Variants in FHOD1 observed in about 807,000 individuals in gnomAD.
FHOD1 encodes formin homology 2 domain containing 1, also known as FH1/FH2 domain-containing protein 1.
A neutral mutation model predicts 111.6 loss-of-function variants in FHOD1; 89 were observed. That is an observed-to-expected ratio of 0.80 (90% CI 0.67 to 0.95). The LOEUF (loss-of-function observed/expected upper bound fraction) is 0.95, where lower values mean the gene tolerates loss of function less well. Ranked by LOEUF, FHOD1 falls within the 40% of genes least tolerant of loss-of-function variation. FHOD1 has a pLI of 0.00. For missense variants in FHOD1, 1,446 were observed against 1,554.2 expected, an observed-to-expected ratio of 0.93 and a Z score of 1.17; for synonymous variants, 618 against 639.0, an observed-to-expected ratio of 0.97 and a Z score of 0.50.
Position 67,237,773 on chromosome 16 carries a change from G to A in FHOD1, c.643-5C>T. 1 of 1,612,968 alleles carries A rather than the reference G, an allele frequency of 6.2e-7. No individual in the cohort carries two copies. The highest frequency in any genetic ancestry group is 8.5e-7 in the Non-Finnish European group (1 of 1,178,894). Reference sequence around the variant, plus strand: ...TGTCTTCACCACCAAGCGGGACTGAGGAGAGAGGTCAGTACATATGAGTGG... The same window carrying A: ...TGTCTTCACCACCAAGCGGGACTGAAGAGAGAGGTCAGTACATATGAGTGG... On this transcript the variant is annotated splice_region_variant and splice_polypyrimidine_tract_variant and intron_variant, in intron 6 of 21. Transcript: ENST00000258201. This position sits in a 1 kb window ranked among gnomAD's most constrained non-coding sequence, Gnocchi z 5.6.
At chr16:67,243,088 A>T (rs187559551) in intron 1 of FHOD1, among the ~76,000 whole-genome samples, 41 of 152,202 alleles carry the variant, frequency 2.7e-4, no homozygotes, top group African/African-American at 9.6e-4. Flanking sequence ...CAGTGTAATC[A>T]GGTAAGACTG....
intron 18 of FHOD1, 26 bp downstream of exon 18, chr16:67,230,567 GGCCGTCCT>G: frequency 6.2e-7 from 1 of 1,613,378 alleles, no homozygotes; most frequent in Non-Finnish European, 8.5e-7. Context: ...GGAGGGTGGT[GGCCGTCCT>G]GCCTCTCTTG....
In FHOD1 at chr16:67,233,837, A is replaced by G. The variant is rs1443662282; in HGVS notation, c.1866T>C (p.Thr622=). The stretch of plus-strand genomic sequence containing the variant: ...AGAAAAGTTTTACTGTCTTCCTCTT[A>G]GTGGGGAGGGCTGAGCTGTCAGGCA... ...HSVPDSSALP[T]KRKTVKLFWR... Residue 622 remains threonine, a synonymous_variant, in exon 13 of 22, where the codon ACT becomes ACC. Coordinates refer to ENST00000258201, the MANE Select transcript of FHOD1 (RefSeq NM_013241.3). The G allele has an allele frequency of 1.9e-6, 3 of 1,590,452 alleles. No homozygotes were observed. Among genetic ancestry groups the G allele is most frequent in the Non-Finnish European group, 2.6e-6 (3 of 1,166,336 alleles).
In FHOD1 at chr16:67,231,152, C is replaced by G; in HGVS notation, c.2667+36G>C. 6.2e-7 allele frequency: 1 copy of G among 1,610,374 alleles called. No homozygotes were observed. Among genetic ancestry groups the G allele is most frequent in the Non-Finnish European group, 8.5e-7 (1 of 1,177,658 alleles). ...GCCCAGGAAGCAGCGCTCCTCATGC[C>G]TTGTCCGGCCTTGGTTGATTCTGGC... On this transcript the variant is annotated intron_variant, in intron 17 of 21. Transcript: ENST00000258201. The surrounding 1 kb of genome is among the most constrained non-coding windows in gnomAD (Gnocchi z 4.3).
Position 67,236,563 on chromosome 16 carries a change from A to G in FHOD1, c.1313T>C (p.Ile438Thr), listed in dbSNP as rs1306153599. ...PSADTSSERS[I>T]YKARFLENVA... Reference sequence around the variant, plus strand: ...CCTCTGTCTCCCTACTTACTTGTAGATGCTCCTCTCGCTGGAGGTGTCAGC... The same window carrying G: ...CCTCTGTCTCCCTACTTACTTGTAGGTGCTCCTCTCGCTGGAGGTGTCAGC... Residue 438 changes from isoleucine (I) to threonine (T), a missense_variant, in exon 11 of 22, where the codon ATC (isoleucine) becomes ACC (threonine). By Grantham distance (89) the Ile-to-Thr change is moderately conservative. This residue lies in a region of FHOD1 where 1,085 missense variants were observed against 1,108.8 expected (regional missense o/e 0.98). Coordinates refer to ENST00000258201, the MANE Select transcript of FHOD1 (RefSeq NM_013241.3). The G allele has an allele frequency of 2.5e-6, 4 of 1,612,922 alleles. No homozygotes were observed. Among genetic ancestry groups the G allele is most frequent in the Non-Finnish European group, 3.4e-6 (4 of 1,179,638 alleles).
chr16:67,229,980 C>T lies in FHOD1; in HGVS notation c.3225G>A (p.Gln1075=), dbSNP rs1353097997. ...CTGTGGGCATGATTGGGGAGCTGCT[C>T]TGGACCATGCCTGAGGAAGGCCAGA... ...THNRRSRGMV[Q]SSSPIMPTVG... is the part of the protein sequence containing the mutation. Residue 1075 remains glutamine (Q), a synonymous_variant, in exon 21 of 22, where the codon CAG becomes CAA. Transcript: ENST00000258201. 8 of 1,614,080 alleles carry T rather than the reference C, an allele frequency of 5.0e-6. No individual in the cohort carries two copies. The East Asian group carries it at 1.8e-4, about 36-fold the overall frequency.
chr16:67,233,109 G>A (rs772827098), intron 13 of FHOD1, among the ~76,000 whole-genome samples: 3 of 150,238 alleles, frequency 2.0e-5, no homozygotes, highest in African/African-American at 4.9e-5. Flanking sequence ...TTTTTGAGAC[G>A]AAGTCTTGCT....
rs769839495 is a variant in FHOD1, at chr16:67,233,956, G to T, written c.1747C>A (p.Pro583Thr). The T allele has an allele frequency of 7.1e-6, 8 of 1,125,402 alleles. No homozygotes were observed. The highest frequency in any genetic ancestry group is 7.5e-6 in the Non-Finnish European group (6 of 794,736). 69.7% of individuals were successfully genotyped at this position (1,125,402 alleles called of 1,614,324 possible). A position where few individuals can be genotyped will look rare whatever the true frequency, so the allele number is the denominator to read the frequency against. ...GGAGGTGGAAGTGGGGGAGGGGGGG[G>T]TACTCCCGAGAGCAGGGGCAGTGGG... ...SPPLPLLSGV[P>T]PPPPLPPPPP... is the part of the protein sequence containing the mutation. The change falls in exon 13 of 22, where the codon CCC becomes ACC. Residue 583 changes from proline to threonine, a missense_variant. Coordinates refer to ENST00000258201, the MANE Select transcript of FHOD1 (RefSeq NM_013241.3).
chr16:67,239,835 C>A (rs1227814786), intron 1 of FHOD1, among the ~76,000 whole-genome samples: 2 of 152,200 alleles, frequency 1.3e-5, no homozygotes, highest in Non-Finnish European at 2.9e-5. Flanking sequence ...CTGTCTTGCT[C>A]CCTGCTGTAT....
At chr16:67,235,895 G>T in intron 11 of FHOD1, 1 of 259,654 alleles carries the variant, frequency 3.9e-6, no homozygotes, top group Non-Finnish European at 6.0e-6. Context: ...ATATGTCTGG[G>T]AGAGGATAGG....
In FHOD1 at chr16:67,233,744, G is replaced by T. The variant is rs2034364860; in HGVS notation, c.1959C>A (p.Leu653=). 6.2e-7 allele frequency: 1 copy of T among 1,613,832 alleles called. No individual in the cohort carries two copies. The highest frequency in any genetic ancestry group is 1.3e-5 in the African/African-American group (1 of 74,898). Reference sequence around the variant, plus strand: ...CTGAGACAGGGTCCAGTGAAGCCCAGAGGGTGGCGCAGGGCCCAAAGCGGC... The same window carrying T: ...CTGAGACAGGGTCCAGTGAAGCCCATAGGGTGGCGCAGGGCCCAAAGCGGC... ...SASRFGPCAT[L]WASLDPVSVD... Residue 653 remains leucine, a synonymous_variant, in exon 13 of 22, where the codon CTC becomes CTA. Transcript: ENST00000258201.
chr16:67,242,864 C>T (rs2034704893), intron 1 of FHOD1, among the ~76,000 whole-genome samples: 1 of 151,804 alleles, frequency 6.6e-6, no homozygotes, highest in Non-Finnish European at 1.5e-5. Context: ...GCATCTACTT[C>T]TCTCTCTCTT....
rs1474623780 is a variant in FHOD1, at chr16:67,231,020, G to A, written c.2667+168C>T. Reference sequence around the variant, plus strand: ...CCCAAAGACTGAGTAGGTGTGGCCAGGCCAATAGAGGAAAGAGCATTTCTG... The same window carrying A: ...CCCAAAGACTGAGTAGGTGTGGCCAAGCCAATAGAGGAAAGAGCATTTCTG... On this transcript the variant is annotated intron_variant, in intron 17 of 21. Transcript: ENST00000258201. The surrounding 1 kb of genome is among the most constrained non-coding windows in gnomAD (Gnocchi z 4.3). The A allele has an allele frequency of 5.2e-6, 5 of 960,336 alleles. No individual in the cohort carries two copies. In the African/African-American group the frequency reaches 6.6e-5, roughly 13 times the overall value. The allele number at this position is 960,336 out of a possible 1,614,324, so 59.5% of individuals were successfully genotyped here. A position where few individuals can be genotyped will look rare whatever the true frequency, so the allele number is the denominator to read the frequency against.
At position 67,242,749 on chromosome 16, in the gene FHOD1, C is replaced by G. The variant is rs988869549; in HGVS notation, c.202-3295G>C. On this transcript the variant is annotated intron_variant, in intron 1 of 21. Transcript: ENST00000258201. ...CAGGCTCAGCTTCTCACATTGGCCT[C>G]CAGCCCACTATACTCTTGACTTTCC... is the stretch of plus-strand genomic sequence containing the variant. 3.9e-5 allele frequency among the ~76,000 whole-genome samples: 6 copies of G among 152,176 alleles called. No homozygotes were observed. The South Asian group carries it at 8.3e-4, about 21-fold the overall frequency.
chr16:67,238,708 C>A lies in FHOD1; in HGVS notation c.373+195G>T. Reference sequence around the variant, plus strand: ...CTGGCATTGGAGGCATGAGCTACCACGCCTGGTCTATTCTAACATTCTTGA... The same window carrying A: ...CTGGCATTGGAGGCATGAGCTACCAAGCCTGGTCTATTCTAACATTCTTGA... On this transcript the variant is annotated intron_variant, in intron 3 of 21. Coordinates refer to ENST00000258201, the MANE Select transcript of FHOD1 (RefSeq NM_013241.3). The surrounding 1 kb of genome is among the most constrained non-coding windows in gnomAD (Gnocchi z 4.2). The A allele has an allele frequency of 1.5e-6, 1 of 664,304 alleles. No homozygotes were observed. The highest frequency in any genetic ancestry group is 2.7e-6 in the Non-Finnish European group (1 of 374,236). 41.2% of individuals were successfully genotyped at this position (664,304 alleles called of 1,614,324 possible). A position where few individuals can be genotyped will look rare whatever the true frequency, so the allele number is the denominator to read the frequency against.
intron 11 of FHOD1, among the ~76,000 whole-genome samples, chr16:67,235,382 T>C (rs886685369): frequency 1.3e-5 from 2 of 151,886 alleles, no homozygotes; most frequent in Admixed American, 1.3e-4. Flanking sequence ...ATACAAAAAT[T>C]ACCCAGGTAT....
At position 67,237,203 on chromosome 16, in the gene FHOD1, T is replaced by C. The variant is rs13330273; in HGVS notation, c.993+36A>G. On this transcript the variant is annotated intron_variant, in intron 9 of 21. Transcript: ENST00000258201. The surrounding 1 kb of genome is among the most constrained non-coding windows in gnomAD (Gnocchi z 5.6). ...GGGGACTGCGCTTCTCTCTTCCCTC[T>C]TTCCAATCCGCCTCAGAGCGTAAGG... 82,163 of 1,606,192 alleles carry C rather than the reference T, an allele frequency of 0.051. 6,222 individuals carry two copies. Among genetic ancestry groups the C allele is most frequent in the African/African-American group, 0.35 (26,481 of 74,718 alleles).
In FHOD1 at chr16:67,236,621, T is replaced by A. The variant is rs778470352; in HGVS notation, c.1255A>T (p.Asn419Tyr). The A allele has an allele frequency of 6.2e-7, 1 of 1,613,526 alleles. No homozygotes were observed. The highest frequency in any genetic ancestry group is 8.5e-7 in the Non-Finnish European group (1 of 1,179,840). Residue 419 changes from asparagine to tyrosine, a missense_variant, in exon 11 of 22, where the codon AAC becomes TAC. Asn to Tyr is a moderately radical substitution (Grantham distance 143, BLOSUM62 -2). This residue lies in a region of FHOD1 where 1,085 missense variants were observed against 1,108.8 expected (regional missense o/e 0.98). Coordinates refer to ENST00000258201, the MANE Select transcript of FHOD1 (RefSeq NM_013241.3). ...GPPSGLQASVNLFPTISVAPS... is the reference protein window; with the variant it reads ...GPPSGLQASVYLFPTISVAPS... ...GCCACAGAGATGGTAGGAAAAAGGT[T>A]CACTGAAGCTTGGAGACCGGAGGGA...
chr16:67,231,905 G>T lies in FHOD1; in HGVS notation c.2203-86C>A. 2 of 1,544,286 alleles carry T rather than the reference G, an allele frequency of 1.3e-6. No individual in the cohort carries two copies. The highest frequency in any genetic ancestry group is 1.8e-6 in the Non-Finnish European group (2 of 1,140,858). ...TGGTCTTGACCCCTCAGTCATCTAG[G>T]GGAGGCCCCAGTGTCTGGGGACTGC... On this transcript the variant is annotated intron_variant, in intron 14 of 21. Coordinates refer to ENST00000258201, the MANE Select transcript of FHOD1 (RefSeq NM_013241.3). The surrounding 1 kb of genome is among the most constrained non-coding windows in gnomAD (Gnocchi z 4.3).
Sources: gnomAD v4.1 joint callset for allele counts (sites outside exome capture counted in the v4.1 genomes callset) on GRCh38, gnomAD v4.1.1 for gene constraint, gnomAD v4.1.1 regional missense constraint, Gnocchi (gnomAD v3.1) non-coding constraint, MANE v1.5 for transcripts, NCBI Gene and HGNC (gene_info 2026-07-23, HGNC 2026-07-21) for gene names.